The following CP variants were observed in gnomAD, a reference collection of about 807,000 sequenced individuals.
The protein encoded by CP is ceruloplasmin, also known as caeruloplasmin.
A neutral mutation model predicts 122.4 loss-of-function variants in CP; 64 were observed. That is an observed-to-expected ratio of 0.52 (90% CI 0.43 to 0.64). CP has a LOEUF of 0.64. Among genes scored for constraint, CP ranks in the 30% least tolerant of loss-of-function variants. The pLI is 0.00. For missense variants in CP, 1,167 were observed against 1,284.4 expected (o/e 0.91, Z 1.40); for synonymous variants, 440 against 436.4 (o/e 1.01, Z -0.10).
chr3:149,181,976 A>AGGGG, intron 14 of CP, 29 bp downstream of exon 14: 5 of 561,802 alleles, frequency 8.9e-6, no homozygotes, highest in Non-Finnish European at 1.7e-5. Context: ...GTTAAAATGC[A>AGGGG]CCACCCCCAC....
At chr3:149,206,069 A>G in intron 6 of CP, 99 bp downstream of exon 6, 1 of 1,099,010 alleles carries the variant, frequency 9.1e-7, no homozygotes, top group South Asian at 1.3e-5. Flanking sequence ...ACTCAATTTC[A>G]GATACCAATT....
intron 10 of CP, among the ~76,000 whole-genome samples, chr3:149,187,345 T>G (rs569530709): frequency 6.6e-6 from 1 of 152,320 alleles, no homozygotes; most frequent in African/African-American, 2.4e-5. Flanking sequence ...CTTTACATGT[T>G]TTTCTTCTAT....
chr3:149,190,771 A>C (rs1189110741), intron 9 of CP, among the ~76,000 whole-genome samples: 1 of 152,162 alleles, frequency 6.6e-6, no homozygotes, highest in Non-Finnish European at 1.5e-5. Flanking sequence ...TAGGGAGCAG[A>C]TGGTTCCCAA....
intron 17 of CP, 122 bp from the exon 18 acceptor site, chr3:149,176,534 C>T (rs1415927900): frequency 3.6e-6 from 3 of 823,160 alleles, no homozygotes; most frequent in South Asian, 1.6e-5. Flanking sequence ...AAAAATCGAG[C>T]TCGTTTCTGT....
At chr3:149,202,497 G>T (rs968781796) in intron 6 of CP, among the ~76,000 whole-genome samples, 3 of 151,912 alleles carry the variant, frequency 2.0e-5, no homozygotes, top group Non-Finnish European at 2.9e-5. Flanking sequence ...TTTCAGAAGG[G>T]CCCCTTCAAC....
chr3:149,211,781 T>A (rs1335482307), intron 2 of CP, among the ~76,000 whole-genome samples: 1 of 152,194 alleles, frequency 6.6e-6, no homozygotes, highest in Non-Finnish European at 1.5e-5. Context: ...TGAGTCCTTC[T>A]TTCTCTTCCC....
At chr3:149,169,496 A>C (rs1724766258), downstream of CP, among the ~76,000 whole-genome samples, 1 of 152,214 alleles carries the variant, frequency 6.6e-6, no homozygotes, top group African/African-American at 2.4e-5. Flanking sequence ...TGGATTTCTT[A>C]TCTCTCTAAT....
At chr3:149,166,868 A>T (rs940128567) in intron 4 of CP, among the ~76,000 whole-genome samples, 5 of 152,248 alleles carry the variant, frequency 3.3e-5, no homozygotes, top group Admixed American at 2.0e-4. Context: ...AGATTATATT[A>T]TACTTAGATT....
chr3:149,182,734 C>T (rs912840003), intron 13 of CP, among the ~76,000 whole-genome samples: 1 of 152,052 alleles, frequency 6.6e-6, no homozygotes, highest in Non-Finnish European at 1.5e-5. Flanking sequence ...TCTTTTATTT[C>T]CTGTTGTAAT....
chr3:149,200,937 C>T (rs750780850), intron 7 of CP, among the ~76,000 whole-genome samples: 2 of 151,906 alleles, frequency 1.3e-5, no homozygotes, highest in African/African-American at 2.4e-5. Context: ...TCTGAGTCAC[C>T]GCTAGGAAAA....
At chr3:149,185,135 A>T in intron 12 of CP, 104 bp downstream of exon 12, 2 of 987,888 alleles carry the variant, frequency 2.0e-6, no homozygotes, top group Non-Finnish European at 3.1e-6. Context: ...GTTATTGTTT[A>T]ATGCAACTTT....
At chr3:149,196,887 T>C (rs956217997) in intron 9 of CP, among the ~76,000 whole-genome samples, 3 of 152,182 alleles carry the variant, frequency 2.0e-5, no homozygotes, top group Non-Finnish European at 4.4e-5. Flanking sequence ...CTGAAGTAAC[T>C]GAAGAATCAC....
rs748513135 is a variant in CP, at chr3:149,186,691, T to A, written c.1906A>T (p.Met636Leu). The A allele has an allele frequency of 6.2e-7, 1 of 1,614,160 alleles. No individual in the cohort carries two copies. The highest frequency in any genetic ancestry group is 1.7e-5 in the Admixed American group (1 of 60,024). Residue 636 changes from methionine (M) to leucine (L), a missense_variant, in exon 11 of 19, where the codon ATG becomes TTG. Met to Leu is a conservative substitution (Grantham distance 15). Coordinates refer to ENST00000264613, the MANE Select transcript of CP (RefSeq NM_000096.4). ...CACACGACCGAATCTCCTTTGCACA[T>A]AGTGAGACCCGGCTGATTCCCATAC... ...FMYGNQPGLT[M>L]CKGDSVVWYL...
Position 149,209,360 on chromosome 3 carries a change from T to C in CP, c.632A>G (p.Lys211Arg). 1 of 1,613,576 alleles carries C rather than the reference T, an allele frequency of 6.2e-7. No individual in the cohort carries two copies. Among genetic ancestry groups the C allele is most frequent in the South Asian group, 1.1e-5 (1 of 91,016 alleles). The change falls in exon 4 of 19, where the codon AAA (lysine) becomes AGA (arginine). Residue 211 changes from lysine (K) to arginine (R), a missense_variant. By Grantham distance (26) the Lys-to-Arg change is conservative. Around this residue, in one of 2 missense-constraint regions of CP, gnomAD observed 642 missense variants for 627.3 expected, o/e 1.02. Coordinates refer to ENST00000264613, the MANE Select transcript of CP (RefSeq NM_000096.4). ...KKDSLDKEKE[K>R]HIDREFVVMF... ...CACCACAAATTCTCGGTCAATATGT[T>C]TTTCTTTTTCTTTATCTAGAGAATC...
Position 149,177,991 on chromosome 3 carries a change from A to C in CP, c.2879-12T>G, listed in dbSNP as rs773524756. On this transcript the variant is annotated splice_polypyrimidine_tract_variant and intron_variant, in intron 16 of 18. Transcript: ENST00000264613. ...TCTTCCATTAATAGCTAGGGAAAGC[A>C]TATGGTTTTATGTTACTTTTCAGGA... 4 of 1,611,308 alleles carry C rather than the reference A, an allele frequency of 2.5e-6. No homozygotes were observed. In the South Asian group the frequency reaches 4.4e-5, roughly 18 times the overall value.
At chr3:149,193,917 G>C (rs2108259445) in intron 9 of CP, among the ~76,000 whole-genome samples, 1 of 152,330 alleles carries the variant, frequency 6.6e-6, no homozygotes, top group Middle Eastern at 3.4e-3. Context: ...GAGGACTTCT[G>C]ATGCCTCTGT....
chr3:149,195,137 A>C (rs528576123), intron 9 of CP, among the ~76,000 whole-genome samples: 2 of 152,344 alleles, frequency 1.3e-5, no homozygotes, highest in African/African-American at 4.8e-5. Context: ...TGTATCATTT[A>C]TTTCCTATCA....
chr3:149,169,293 C>G (rs923471580), downstream of CP, among the ~76,000 whole-genome samples: 6 of 152,114 alleles, frequency 3.9e-5, no homozygotes, highest in African/African-American at 1.4e-4. Context: ...TGAAAAGAGC[C>G]CTGTACTGGG....
intron 1 of CP, among the ~76,000 whole-genome samples, chr3:149,220,086 G>T (rs1474175886): frequency 6.6e-6 from 1 of 152,118 alleles, no homozygotes; most frequent in Admixed American, 6.6e-5. Context: ...AGCTTCCCTG[G>T]CACAGACAGG....
Sources: gnomAD v4.1 joint callset for allele counts (sites outside exome capture counted in the v4.1 genomes callset) on GRCh38, gnomAD v4.1.1 for gene constraint, gnomAD v4.1.1 regional missense constraint, MANE v1.5 for transcripts, NCBI Gene and HGNC (gene_info 2026-07-23, HGNC 2026-07-21) for gene names.